IGSF21: variants seen among roughly 807,000 people sequenced by gnomAD.
IGSF21 encodes immunoglobin superfamily member 21, also known as immunoglobulin superfamily member 21.
Under a neutral mutation model 46.8 loss-of-function variants are expected in IGSF21, and 28 were observed. That is an observed-to-expected ratio of 0.60 (90% CI 0.44 to 0.82). The LOEUF is 0.82. Ranked by LOEUF, IGSF21 falls within the 40% of genes least tolerant of loss-of-function variation. The pLI is 0.00. For missense variants in IGSF21, 624 were observed against 665.5 expected, an observed-to-expected ratio of 0.94 and a Z score of 0.69; for synonymous variants, 284 against 273.6, an observed-to-expected ratio of 1.04 and a Z score of -0.38.
At chr1:18,325,241 T>C (rs139604928) in intron 3 of IGSF21, among the ~76,000 whole-genome samples, 2 of 152,210 alleles carry the variant, frequency 1.3e-5, no homozygotes, top group Non-Finnish European at 2.9e-5. Context: ...AAAGAACCCC[T>C]GTCCTCAAGG....
At chr1:18,263,965 G>T (rs915939328) in intron 2 of IGSF21, among the ~76,000 whole-genome samples, 9 of 152,178 alleles carry the variant, frequency 5.9e-5, no homozygotes, top group African/African-American at 2.2e-4. Flanking sequence ...ACAATTGCCT[G>T]GGATAAAACT....
chr1:18,139,912 C>T (rs773237301), intron 1 of IGSF21, among the ~76,000 whole-genome samples: 79 of 151,972 alleles, frequency 5.2e-4, no homozygotes, highest in Non-Finnish European at 1.0e-3. Context: ...ACAGGGAGTT[C>T]GAGAATGAAT....
chr1:18,142,199 C>T (rs1056483878), intron 1 of IGSF21, among the ~76,000 whole-genome samples: 5 of 152,210 alleles, frequency 3.3e-5, no homozygotes, highest in South Asian at 4.2e-4. Context: ...TCTAGCAATC[C>T]GTATCAGGAC....
intron 2 of IGSF21, among the ~76,000 whole-genome samples, chr1:18,250,524 CTCT>C (rs1290966719): frequency 6.6e-6 from 1 of 152,210 alleles, no homozygotes; most frequent in Non-Finnish European, 1.5e-5. Flanking sequence ...GTCTCTCCCT[CTCT>C]TCTTTGTGCT....
At position 18,376,359 on chromosome 1, in the gene IGSF21, A is replaced by G. The variant is rs749178441; in HGVS notation, c.1065A>G (p.Val355=). 51 of 1,613,850 alleles carry G rather than the reference A, an allele frequency of 3.2e-5. No homozygotes were observed. Among genetic ancestry groups the G allele is most frequent in the Non-Finnish European group, 4.2e-5 (50 of 1,179,928 alleles). ...KIVMTPSRAR[V]GDTVRILVHG... ...TGATGACGCCCAGCAGAGCCCGGGT[A>G]GGGGACACAGTGAGGATTCTGGTCC... Residue 355 remains valine (V), a synonymous_variant, in exon 7 of 10, where the codon GTA becomes GTG. Transcript: ENST00000251296.
rs892266808 is a variant in IGSF21 at position 18,262,318 on chromosome 1, A to C, written c.184-29548A>C. 3.3e-5 allele frequency among the ~76,000 whole-genome samples: 5 copies of C among 152,216 alleles called. No homozygotes were observed. In the East Asian group the frequency reaches 9.6e-4, roughly 29 times the overall value. ...CGACCGGATAAAGAACCTGAGGCAGAGAGTGCAGTGGATGGCAGCAAGTGG... is the reference window on the plus strand; with the variant it reads ...CGACCGGATAAAGAACCTGAGGCAGCGAGTGCAGTGGATGGCAGCAAGTGG... On this transcript the variant is annotated intron_variant, in intron 2 of 9. Transcript: ENST00000251296.
intron 4 of IGSF21, among the ~76,000 whole-genome samples, chr1:18,358,811 G>C (rs182790633): frequency 2.0e-4 from 30 of 152,292 alleles, no homozygotes; most frequent in African/African-American, 6.7e-4. Context: ...GCCAGTAAGT[G>C]GTACAGCTGA....
At chr1:18,138,110 G>T (rs2086383880) in intron 1 of IGSF21, among the ~76,000 whole-genome samples, 1 of 152,166 alleles carries the variant, frequency 6.6e-6, no homozygotes, top group African/African-American at 2.4e-5. Context: ...CCCAGGGTTG[G>T]GCTGAAGATA....
chr1:18,342,448 T>C (rs868339969), intron 4 of IGSF21, among the ~76,000 whole-genome samples: 14 of 152,308 alleles, frequency 9.2e-5, no homozygotes, highest in Middle Eastern at 3.4e-3. Flanking sequence ...TAACATGCAA[T>C]CCGCTCATGT....
At chr1:18,162,821 C>T (rs910084118) in intron 1 of IGSF21, among the ~76,000 whole-genome samples, 20 of 152,168 alleles carry the variant, frequency 1.3e-4, no homozygotes, top group African/African-American at 3.4e-4. Flanking sequence ...GATATGAGAC[C>T]GTATTCACCC....
At chr1:18,135,496 G>T (rs1252939424) in intron 1 of IGSF21, among the ~76,000 whole-genome samples, 1 of 148,170 alleles carries the variant, frequency 6.7e-6, no homozygotes, top group Non-Finnish European at 1.5e-5. Flanking sequence ...CCACCTATGA[G>T]TGAGAACATG....
chr1:18,224,075 AG>A lies in IGSF21; in HGVS notation c.71-3818del, dbSNP rs1453490611. ...CTAGGGTGAAGCTAGCCAGGTGCACAGGGGGTAACATTCAAAGAGGCACCCA... is the reference window on the plus strand; with the variant it reads ...CTAGGGTGAAGCTAGCCAGGTGCACAGGGGTAACATTCAAAGAGGCACCCA... On this transcript the variant is annotated intron_variant, in intron 1 of 9. Transcript: ENST00000251296. Among the ~76,000 whole-genome samples the A allele has an allele frequency of 2.6e-5, 4 of 152,300 alleles. No individual in the cohort carries two copies. The East Asian group carries it at 7.7e-4, about 29-fold the overall frequency.
intron 2 of IGSF21, among the ~76,000 whole-genome samples, chr1:18,274,602 T>A (rs2085081918): frequency 6.6e-6 from 1 of 152,274 alleles, no homozygotes; most frequent in Non-Finnish European, 1.5e-5. Flanking sequence ...GTTGATTAAT[T>A]GTGACAGACG....
chr1:18,187,760 G>A (rs1317104990), intron 1 of IGSF21, among the ~76,000 whole-genome samples: 1 of 152,028 alleles, frequency 6.6e-6, no homozygotes, highest in African/African-American at 2.4e-5. Flanking sequence ...AGGGATTAGG[G>A]CTAGGGCTTC....
intron 1 of IGSF21, among the ~76,000 whole-genome samples, chr1:18,188,554 C>T (rs1331372649): frequency 6.6e-6 from 1 of 152,090 alleles, no homozygotes; most frequent in Non-Finnish European, 1.5e-5. Context: ...CATTTTGGAA[C>T]TTGGACTTTC....
At chr1:18,273,462 C>CTCTCTCTTTCTTTCTT (rs767013694) in intron 2 of IGSF21, among the ~76,000 whole-genome samples, 10 of 61,930 alleles carry the variant, frequency 1.6e-4, no homozygotes, top group East Asian at 4.3e-4. Context: ...TTCTTTCTCT[C>CTCTCTCTTTCTTTCTT]TCTTTCTTTC....
chr1:18,299,114 A>G (rs16861799), intron 3 of IGSF21, among the ~76,000 whole-genome samples: 13,568 of 152,222 alleles, frequency 0.089, 1,949 homozygotes, highest in African/African-American at 0.3. Context: ...TTCTAGAGGC[A>G]TCAGTGGGTT....
intron 6 of IGSF21, 177 bp from the exon 7 acceptor site, chr1:18,376,133 G>A: frequency 1.6e-6 from 1 of 645,152 alleles, no homozygotes; most frequent in South Asian, 1.7e-5. Flanking sequence ...CATGGGCTTA[G>A]GGAATATGTC....
intron 1 of IGSF21, among the ~76,000 whole-genome samples, chr1:18,139,783 A>G (rs1018773616): frequency 1.3e-5 from 2 of 152,156 alleles, no homozygotes; most frequent in Non-Finnish European, 2.9e-5. Context: ...TCCACCCGCC[A>G]AAGTCTGCTT....
Sources: allele counts gnomAD v4.1 joint callset (sites outside exome capture counted in the v4.1 genomes callset), GRCh38; gene constraint gnomAD v4.1.1; transcripts MANE v1.5; gene names NCBI Gene and HGNC (gene_info 2026-07-23, HGNC 2026-07-21).